The following SYT12 variants were observed in gnomAD, a reference collection of about 807,000 sequenced individuals.
SYT12 encodes synaptotagmin 12, also known as synaptotagmin-12.
A neutral mutation model predicts 39.5 loss-of-function variants in SYT12; 27 were observed. The ratio of observed to expected loss-of-function variants is 0.68; its 90% CI spans 0.50 to 0.94. The LOEUF is 0.94. SYT12 is among the 40% of genes least tolerant of loss of function. The probability of loss-of-function intolerance (pLI) is 0.00; values close to 1 mark genes in which losing one functional copy is unlikely to be tolerated. For missense variants in SYT12, 536 were observed against 572.6 expected, an observed-to-expected ratio of 0.94 and a Z score of 0.65; for synonymous variants, 233 against 239.7, an observed-to-expected ratio of 0.97 and a Z score of 0.26.
intron 1 of SYT12, chr11:67,027,499 C>T (rs1339807944): frequency 3.1e-5 from 1 of 32,168 alleles, no homozygotes; most frequent in Non-Finnish European, 7.1e-5. Flanking sequence ...GGCTCTGTCT[C>T]AAAAAAAAAA....
intron 2 of SYT12, chr11:67,030,398 T>G: frequency 3.8e-6 from 2 of 530,464 alleles, no homozygotes; most frequent in Non-Finnish European, 6.6e-6. Flanking sequence ...AAGTGGCTCC[T>G]TCTTGTTAAA....
chr11:67,040,011 G>A lies in SYT12; in HGVS notation c.429G>A (p.Val143=), dbSNP rs1192518693. 6.2e-7 allele frequency: 1 copy of A among 1,613,914 alleles called. No homozygotes were observed. Among genetic ancestry groups the A allele is most frequent in the Admixed American group, 1.7e-5 (1 of 60,024 alleles). ...SADSLNSISS[V]SNTFGQDFTL... Reference sequence around the variant, plus strand: ...ACTCCCTGAACTCCATCTCCTCCGTGAGCAACACCTTTGGGCAGGACTTCA... The same window carrying A: ...ACTCCCTGAACTCCATCTCCTCCGTAAGCAACACCTTTGGGCAGGACTTCA... The change falls in exon 4 of 8, where the codon GTG becomes GTA. Residue 143 remains valine (V), a synonymous_variant. Coordinates refer to ENST00000527043, the MANE Select transcript of SYT12 (RefSeq NM_177963.4).
At chr11:67,015,387 A>AC in intron 3 of SYT12, among the ~76,000 whole-genome samples, 1 of 152,148 alleles carries the variant, frequency 6.6e-6, no homozygotes, top group East Asian at 1.9e-4. Flanking sequence ...TCCTCTCTGC[A>AC]CCCCACAGGC....
Position 67,044,665 on chromosome 11 carries a change from G to A in SYT12, c.910G>A (p.Val304Met), listed in dbSNP as rs752756064. 4.2e-5 allele frequency: 68 copies of A among 1,613,602 alleles called. No homozygotes were observed. The highest frequency in any genetic ancestry group is 4.5e-5 in the East Asian group (2 of 44,886). The change falls in exon 6 of 8, where the codon GTG becomes ATG. Residue 304 changes from valine to methionine, a missense_variant. By Grantham distance (21) the Val-to-Met change is conservative (BLOSUM62 1). Transcript: ENST00000527043. ...CACAGCCGAGCGCCTCACCGTGGTC[G>A]TGGTTAAGGCCAAGAACCTCATCTG... is the stretch of plus-strand genomic sequence containing the variant. ...LPTAERLTVV[V>M]VKAKNLIWTN... is the part of the protein sequence containing the mutation.
chr11:67,027,071 A>T (rs1950190847), intron 1 of SYT12: 1 of 152,264 alleles, frequency 6.6e-6, no homozygotes, highest in African/African-American at 2.4e-5. Context: ...CAGGTATGGG[A>T]GTCAGAGCTG....
At chr11:67,030,045 G>C (rs1377182660) in intron 1 of SYT12, 77 bp from the exon 2 acceptor site, 1 of 1,387,608 alleles carries the variant, frequency 7.2e-7, no homozygotes, top group African/African-American at 1.4e-5. Flanking sequence ...AGGCACGTGG[G>C]TGCCAGGAGG....
At chr11:67,045,659 T>A in intron 6 of SYT12, 85 bp from the exon 7 acceptor site, 1 of 1,551,086 alleles carries the variant, frequency 6.4e-7, no homozygotes. Flanking sequence ...CATTGGGGAG[T>A]TTGGAGTCGG....
chr11:67,035,197 C>G (rs879301330), intron 3 of SYT12, among the ~76,000 whole-genome samples: 3 of 151,538 alleles, frequency 2.0e-5, no homozygotes, highest in Admixed American at 6.6e-5. Flanking sequence ...TTAGTAGATA[C>G]GGGGTTTCAC....
chr11:67,047,717 A>G (rs1295930519), intron 7 of SYT12, among the ~76,000 whole-genome samples: 1 of 135,786 alleles, frequency 7.4e-6, no homozygotes, highest in Non-Finnish European at 1.6e-5. Context: ...CTGAGGTGGG[A>G]GGATCACCTG....
upstream of SYT12, among the ~76,000 whole-genome samples, chr11:67,019,529 GA>G (rs1389615481): frequency 3.9e-5 from 6 of 151,954 alleles, no homozygotes; most frequent in South Asian, 1.0e-3. Flanking sequence ...CAGTACGGGG[GA>G]AACCGCCCCC....
chr11:67,039,736 C>T, intron 3 of SYT12, 75 bp from the exon 4 acceptor site: 3 of 1,511,032 alleles, frequency 2.0e-6, no homozygotes, highest in Non-Finnish European at 2.7e-6. Flanking sequence ...AGGCCTTACT[C>T]ATCTCTTTGC....
Position 67,050,294 on chromosome 11 carries a change from C to T in SYT12, c.*1537C>T, listed in dbSNP as rs967797841. The T allele has an allele frequency of 2.0e-5, 3 of 152,378 alleles. No individual in the cohort carries two copies. The highest frequency in any genetic ancestry group is 4.4e-5 in the Non-Finnish European group (3 of 68,180). The allele number at this position is 152,378 out of a possible 1,614,324, so 9.4% of individuals were successfully genotyped here. On this transcript the variant is annotated 3_prime_UTR_variant, in exon 8 of 8. Coordinates refer to ENST00000527043, the MANE Select transcript of SYT12 (RefSeq NM_177963.4). ...CTTCATGGCTGAGTGCTGGGAAGGGCTGAGCTCACCCAGGCCAGCAGGTGG... is the reference window on the plus strand; with the variant it reads ...CTTCATGGCTGAGTGCTGGGAAGGGTTGAGCTCACCCAGGCCAGCAGGTGG...
At chr11:67,014,525 G>A (rs763291996) in intron 3 of SYT12, among the ~76,000 whole-genome samples, 43 of 152,178 alleles carry the variant, frequency 2.8e-4, no homozygotes, top group Non-Finnish European at 4.9e-4. Context: ...GGCTCCTGCC[G>A]GGCTGCCCTC....
At chr11:67,047,033 C>T (rs1332517353) in intron 7 of SYT12, among the ~76,000 whole-genome samples, 1 of 151,590 alleles carries the variant, frequency 6.6e-6, no homozygotes, top group African/African-American at 2.4e-5. Context: ...GGTGTGAACT[C>T]AGCTCACTGC....
At chr11:67,017,354 T>C (rs1950066414) in intron 3 of SYT12, among the ~76,000 whole-genome samples, 1 of 148,708 alleles carries the variant, frequency 6.7e-6, no homozygotes, top group African/African-American at 2.4e-5. Context: ...AGACCCCATT[T>C]CTACAATTTT....
chr11:67,032,200 G>GCAT, intron 2 of SYT12: 1 of 152,212 alleles, frequency 6.6e-6, no homozygotes, highest in Non-Finnish European at 1.5e-5. Flanking sequence ...TGCCAGAAAT[G>GCAT]TGTCTCTGCA....
At chr11:67,018,294 G>A (rs1950075258), upstream of SYT12, among the ~76,000 whole-genome samples, 1 of 151,634 alleles carries the variant, frequency 6.6e-6, no homozygotes, top group African/African-American at 2.4e-5. Context: ...TTAAATAACT[G>A]GGCTGGCTAC....
upstream of SYT12, among the ~76,000 whole-genome samples, chr11:67,019,289 A>G (rs572696571): frequency 9.9e-5 from 15 of 152,092 alleles, no homozygotes; most frequent in African/African-American, 3.1e-4. Context: ...CCTGATCAAC[A>G]TGGAGAAACC....
At chr11:67,010,674 T>C (rs1222525265) in intron 2 of SYT12, 1 of 152,320 alleles carries the variant, frequency 6.6e-6, no homozygotes, top group Non-Finnish European at 1.5e-5. Context: ...GACCTGTCCC[T>C]AGGCAGCCTG....
Sources: allele counts gnomAD v4.1 joint callset (sites outside exome capture counted in the v4.1 genomes callset), GRCh38; gene constraint gnomAD v4.1.1; transcripts MANE v1.5; gene names NCBI Gene and HGNC (gene_info 2026-07-23, HGNC 2026-07-21).